Variants in SMG1 observed in about 807,000 individuals in gnomAD.
SMG1 encodes SMG1 nonsense mediated mRNA decay associated PI3K related kinase.
A neutral mutation model predicts 419.9 loss-of-function variants in SMG1; 22 were observed. That is an observed-to-expected ratio of 0.05 (90% CI 0.04 to 0.07). The LOEUF is 0.07. Among genes scored for constraint, SMG1 ranks in the 10% least tolerant of loss-of-function variants. The pLI, the probability that SMG1 is intolerant of heterozygous loss-of-function variation, is 1.00. For missense variants in SMG1, 3,185 were observed against 4,342.0 expected (o/e 0.73, Z 7.49); for synonymous variants, 1,538 against 1,553.5 (o/e 0.99, Z 0.23).
At chr16:18,850,153 A>T in intron 34 of SMG1, 27 bp from the exon 35 acceptor site, 1 of 1,601,970 alleles carries the variant, frequency 6.2e-7, no homozygotes, top group Non-Finnish European at 8.5e-7. Flanking sequence ...AGGGGAATAA[A>T]TAAGAAAATA....
chr16:18,832,290 G>A (rs2033241653), intron 51 of SMG1, among the ~76,000 whole-genome samples: 1 of 152,216 alleles, frequency 6.6e-6, no homozygotes, highest in Admixed American at 6.5e-5. Context: ...ATGCATGTCT[G>A]CAGGAACTGC....
intron 1 of SMG1, among the ~76,000 whole-genome samples, chr16:18,910,594 G>C (rs2037754708): frequency 6.6e-6 from 1 of 151,670 alleles, no homozygotes; most frequent in Non-Finnish European, 1.5e-5. Context: ...CCAACTCCTG[G>C]GCTCAAGTGA....
At chr16:18,918,424 T>G (rs1013788020) in intron 1 of SMG1, among the ~76,000 whole-genome samples, 3 of 152,216 alleles carry the variant, frequency 2.0e-5, no homozygotes, top group African/African-American at 7.2e-5. Flanking sequence ...CACCTGGTCT[T>G]ATCCTAATTT....
At chr16:18,852,821 T>C (rs2034674708) in intron 31 of SMG1, among the ~76,000 whole-genome samples, 1 of 152,204 alleles carries the variant, frequency 6.6e-6, no homozygotes, top group Non-Finnish European at 1.5e-5. Flanking sequence ...ACTTTAATCA[T>C]TCTGGCAAAA....
At position 18,837,329 on chromosome 16, in the gene SMG1, C is replaced by A; in HGVS notation, c.7528G>T (p.Gly2510Cys). ...AACTCTATTTCCTCCAGTAGTTTGC[C>A]CTGCAGTTTTTCCACATCTGTCAGT... is the stretch of plus-strand genomic sequence containing the variant. ...EQLTDVEKLQ[G>C]KLLEEIEFLE... The change falls in exon 46 of 63, where the codon GGC (glycine) becomes TGC (cysteine). Residue 2510 changes from glycine (G) to cysteine (C), a missense_variant. Physicochemically the swap from Gly to Cys is radical, Grantham distance 159. Around this residue, in one of 27 missense-constraint regions of SMG1, gnomAD observed 412 missense variants for 546.6 expected, o/e 0.75. Transcript: ENST00000446231. 1 of 1,613,994 alleles carries A rather than the reference C, an allele frequency of 6.2e-7. No individual in the cohort carries two copies. The highest frequency in any genetic ancestry group is 8.5e-7 in the Non-Finnish European group (1 of 1,179,884).
intron 1 of SMG1, among the ~76,000 whole-genome samples, chr16:18,899,836 T>G (rs898357692): frequency 1.8e-4 from 28 of 152,116 alleles, no homozygotes; most frequent in African/African-American, 5.8e-4. Context: ...ATCCTAGCAA[T>G]GATCCAAAAA....
Position 18,812,527 on chromosome 16 carries a change from C to T in SMG1, c.10622-400G>A, listed in dbSNP as rs929183822. On this transcript the variant is annotated intron_variant, in intron 60 of 62. Coordinates refer to ENST00000446231, the MANE Select transcript of SMG1 (RefSeq NM_015092.5). The stretch of plus-strand genomic sequence containing the variant: ...GGTAATATGATATTTTGGGTATCCA[C>T]GTGTTAATCTTTGTGAACTATTTTA... 4.0e-5 allele frequency among the ~76,000 whole-genome samples: 6 copies of T among 151,550 alleles called. No individual in the cohort carries two copies. The East Asian group carries it at 1.2e-3, about 29-fold the overall frequency.
At position 18,834,196 on chromosome 16, in the gene SMG1, G is replaced by T. The variant is rs755625212; in HGVS notation, c.8565+8C>A. On this transcript the variant is annotated splice_region_variant and intron_variant, in intron 50 of 62. Transcript: ENST00000446231. Reference sequence around the variant, plus strand: ...AAACAAACTAATATTTAAAATAAAAGTGTTCACCTGAAGTGAGGTATACAC... The same window carrying T: ...AAACAAACTAATATTTAAAATAAAATTGTTCACCTGAAGTGAGGTATACAC... 2.0e-5 allele frequency: 31 copies of T among 1,545,448 alleles called. No individual in the cohort carries two copies. The highest frequency in any genetic ancestry group is 2.7e-5 in the Non-Finnish European group (31 of 1,136,304).
intron 55 of SMG1, among the ~76,000 whole-genome samples, chr16:18,822,327 GC>G (rs2032609011): frequency 1.2e-5 from 1 of 84,516 alleles, no homozygotes; most frequent in South Asian, 4.2e-4. Context: ...TGAAGTCCTT[GC>G]CCACACCTAT....
At chr16:18,828,621 C>T (rs1567327494) in intron 54 of SMG1, among the ~76,000 whole-genome samples, 1 of 152,188 alleles carries the variant, frequency 6.6e-6, no homozygotes, top group Non-Finnish European at 1.5e-5. Flanking sequence ...CTGTTTATCA[C>T]ATCAATAAGG....
At chr16:18,828,800 A>T (rs1161208132) in intron 54 of SMG1, among the ~76,000 whole-genome samples, 1 of 152,202 alleles carries the variant, frequency 6.6e-6, no homozygotes, top group Non-Finnish European at 1.5e-5. Context: ...GGAGTTCGAG[A>T]CCAGCCTGAC....
chr16:18,853,816 C>T lies in SMG1; in HGVS notation c.4535G>A (p.Cys1512Tyr). Reference protein sequence around the residue: ...EMLSSCAISFCKSVKAEYAVA... With the variant: ...EMLSSCAISFYKSVKAEYAVA... ...TGCATATTCAGCTTTCACAGACTTG[C>T]AGAAAGATATGGCACAAGAACTCAA... Residue 1512 changes from cysteine to tyrosine, a missense_variant, in exon 31 of 63, where the codon TGC becomes TAC. This residue lies in a region of SMG1 where 493 missense variants were observed against 552.9 expected (regional missense o/e 0.89). Transcript: ENST00000446231. 1 of 1,613,388 alleles carries T rather than the reference C, an allele frequency of 6.2e-7. No homozygotes were observed. Among genetic ancestry groups the T allele is most frequent in the African/African-American group, 1.3e-5 (1 of 75,032 alleles).
At chr16:18,841,018 C>T (rs141183286) in intron 41 of SMG1, among the ~76,000 whole-genome samples, 1 of 152,040 alleles carries the variant, frequency 6.6e-6, no homozygotes, top group Non-Finnish European at 1.5e-5. Flanking sequence ...TATGATCATA[C>T]CACTGCACTC....
chr16:18,809,791 T>C, intron 62 of SMG1, 145 bp from the exon 63 acceptor site: 2 of 604,808 alleles, frequency 3.3e-6, no homozygotes, highest in Non-Finnish European at 6.0e-6. Context: ...TTAATTTTCA[T>C]ATAAAATGTA....
At chr16:18,867,747 C>T (rs1346527122) in intron 22 of SMG1, among the ~76,000 whole-genome samples, 6 of 125,836 alleles carry the variant, frequency 4.8e-5, no homozygotes, top group East Asian at 2.7e-4. Context: ...CTTGCTCTGT[C>T]GCCCAGGCTG....
intron 3 of SMG1, among the ~76,000 whole-genome samples, chr16:18,895,464 G>C (rs1431813221): frequency 7.0e-6 from 1 of 143,726 alleles, no homozygotes; most frequent in Non-Finnish European, 1.5e-5. Flanking sequence ...GGGTGACAGA[G>C]CAAGACTGTC....
At chr16:18,815,023 G>GT (rs2031869305) in intron 60 of SMG1, among the ~76,000 whole-genome samples, 152 bp downstream of exon 60, 1 of 151,808 alleles carries the variant, frequency 6.6e-6, no homozygotes, top group African/African-American at 2.4e-5. Flanking sequence ...TGGCTTACGA[G>GT]TATTTTTAAG....
intron 62 of SMG1, among the ~76,000 whole-genome samples, chr16:18,810,321 A>T (rs2031263309): frequency 6.6e-6 from 1 of 152,328 alleles, no homozygotes; most frequent in East Asian, 1.9e-4. Flanking sequence ...AATGAATTGA[A>T]TTATGAGGAA....
At chr16:18,886,249 C>A (rs2141755031) in intron 6 of SMG1, among the ~76,000 whole-genome samples, 1 of 152,112 alleles carries the variant, frequency 6.6e-6, no homozygotes, top group Non-Finnish European at 1.5e-5. Context: ...ATAATCTATG[C>A]TTTAGTATAT....
Sources: gnomAD v4.1 joint callset for allele counts (sites outside exome capture counted in the v4.1 genomes callset) on GRCh38, gnomAD v4.1.1 for gene constraint, gnomAD v4.1.1 regional missense constraint, MANE v1.5 for transcripts, NCBI Gene and HGNC (gene_info 2026-07-23, HGNC 2026-07-21) for gene names.